Variants in CTNNA2 observed in about 807,000 individuals in gnomAD.
The protein encoded by CTNNA2 is catenin alpha 2.
Under a neutral mutation model 101.0 loss-of-function variants are expected in CTNNA2, and 42 were observed. The observed-to-expected ratio is 0.42, with a 90% confidence interval of 0.32 to 0.54. The LOEUF is 0.54. Ranked by LOEUF, CTNNA2 falls within the 20% of genes least tolerant of loss-of-function variation. The probability of loss-of-function intolerance (pLI) is 0.14; values close to 1 mark genes in which losing one functional copy is unlikely to be tolerated. For missense variants in CTNNA2, 871 were observed against 1,223.1 expected (o/e 0.71, Z 4.29); for synonymous variants, 450 against 456.4 (o/e 0.99, Z 0.18).
At chr2:80,236,336 A>G (rs1709548694) in intron 7 of CTNNA2, among the ~76,000 whole-genome samples, 2 of 152,120 alleles carry the variant, frequency 1.3e-5, no homozygotes, top group South Asian at 4.1e-4. Flanking sequence ...CATTAATGGG[A>G]TTGCTCGTTC....
intron 8 of CTNNA2, among the ~76,000 whole-genome samples, chr2:80,396,426 G>A (rs1186153860): frequency 6.6e-6 from 1 of 152,160 alleles, no homozygotes; most frequent in Non-Finnish European, 1.5e-5. Context: ...AGCAGGCCCT[G>A]TGTCTGAGCT....
Position 80,428,546 on chromosome 2 carries a change from A to C in CTNNA2, c.1290+8945A>C, listed in dbSNP as rs115693082. On this transcript the variant is annotated intron_variant, in intron 9 of 18. Transcript: ENST00000402739. ...GAGTCTGGGATGAATCCATATTTTG[A>C]TAAGCTGCAGTGACATAATCAGTTG... Among the ~76,000 whole-genome samples, 475 of 152,264 alleles carry C rather than the reference A, an allele frequency of 3.1e-3. 3 individuals are homozygous for C. The highest frequency in any genetic ancestry group is 0.011 in the African/African-American group (462 of 41,530).
At chr2:79,804,897 G>T (rs1676451336) in intron 3 of CTNNA2, among the ~76,000 whole-genome samples, 1 of 152,154 alleles carries the variant, frequency 6.6e-6, no homozygotes, top group Non-Finnish European at 1.5e-5. Flanking sequence ...TAGCACAAGT[G>T]TCAGAGAAAT....
chr2:80,131,808 C>T (rs141880658), intron 7 of CTNNA2, among the ~76,000 whole-genome samples: 26 of 152,172 alleles, frequency 1.7e-4, no homozygotes, highest in African/African-American at 3.1e-4. Context: ...CAGCCGGGCA[C>T]GGTGGCTCAT....
chr2:79,697,093 T>G (rs1684698018), intron 2 of CTNNA2, among the ~76,000 whole-genome samples: 1 of 152,014 alleles, frequency 6.6e-6, no homozygotes, highest in South Asian at 2.1e-4. Context: ...GTTAGTAAAC[T>G]CATAGTCATA....
intron 4 of CTNNA2, among the ~76,000 whole-genome samples, chr2:79,466,383 G>A (rs1273921830): frequency 6.6e-6 from 1 of 152,200 alleles, no homozygotes; most frequent in African/African-American, 2.4e-5. Flanking sequence ...TAGCCTGGAA[G>A]CTCGAACTGG....
chr2:80,113,433 T>G (rs886820077), intron 7 of CTNNA2, among the ~76,000 whole-genome samples: 3 of 152,256 alleles, frequency 2.0e-5, no homozygotes, highest in Non-Finnish European at 4.4e-5. Flanking sequence ...TTTTCTTTTC[T>G]ATAAATTGCA....
chr2:80,057,897 A>T (rs755416617), intron 7 of CTNNA2, among the ~76,000 whole-genome samples: 138 of 152,236 alleles, frequency 9.1e-4, no homozygotes, highest in Non-Finnish European at 1.9e-4. Flanking sequence ...AGATACGCAG[A>T]TACCCCTCTT....
intron 7 of CTNNA2, among the ~76,000 whole-genome samples, chr2:79,915,254 T>G (rs753827541): frequency 4.6e-5 from 7 of 152,156 alleles, no homozygotes; most frequent in Admixed American, 2.0e-4. Context: ...TTGGTATGTG[T>G]CTTTCCAATG....
At chr2:79,717,961 G>T (rs2104845516) in intron 2 of CTNNA2, among the ~76,000 whole-genome samples, 1 of 152,264 alleles carries the variant, frequency 6.6e-6, no homozygotes, top group Non-Finnish European at 1.5e-5. Flanking sequence ...AGATAGTTAG[G>T]TGTATCCCTG....
Position 79,460,671 on chromosome 2 carries a change from A to G in CTNNA2, c.-134-44383A>G, listed in dbSNP as rs1438600659. Among the ~76,000 whole-genome samples, 11 of 152,210 alleles carry G rather than the reference A, an allele frequency of 7.2e-5. No individual in the cohort carries two copies. The East Asian group carries it at 1.9e-3, about 27-fold the overall frequency. On this transcript the variant is annotated intron_variant, in intron 4 of 21. Transcript: ENST00000466387. The stretch of plus-strand genomic sequence containing the variant: ...CTCCTTATGTCTGGGCTTGGCCAGC[A>G]CAACACCAGACTTTTAATGGAAAAG...
chr2:79,486,678 T>C (rs1300835063), intron 4 of CTNNA2, among the ~76,000 whole-genome samples: 1 of 152,232 alleles, frequency 6.6e-6, no homozygotes, highest in African/African-American at 2.4e-5. Flanking sequence ...TGAACTAGTT[T>C]ACAGTCCCAC....
At chr2:80,298,151 A>G (rs982284189) in intron 7 of CTNNA2, 9 of 151,978 alleles carry the variant, frequency 5.9e-5, no homozygotes, top group Non-Finnish European at 1.0e-4. Context: ...AGCACATTTA[A>G]TGGTCATATT....
At chr2:79,769,212 T>C (rs1673397928) in intron 3 of CTNNA2, among the ~76,000 whole-genome samples, 1 of 152,172 alleles carries the variant, frequency 6.6e-6, no homozygotes, top group Non-Finnish European at 1.5e-5. Context: ...TTAAAAAATG[T>C]CCAAAAATGT....
intron 7 of CTNNA2, among the ~76,000 whole-genome samples, chr2:79,971,702 T>G (rs1448055006): frequency 6.6e-6 from 1 of 152,240 alleles, no homozygotes; most frequent in African/African-American, 2.4e-5. Context: ...AAATATGTGA[T>G]ACTTAATGGT....
At chr2:79,343,242 T>C (rs1351729701) in intron 3 of CTNNA2, among the ~76,000 whole-genome samples, 1 of 152,180 alleles carries the variant, frequency 6.6e-6, no homozygotes, top group Non-Finnish European at 1.5e-5. Context: ...TCATGTAATA[T>C]TAATGAAGAA....
chr2:79,456,231 C>T (rs1212298904), intron 4 of CTNNA2, among the ~76,000 whole-genome samples: 1 of 151,226 alleles, frequency 6.6e-6, no homozygotes, highest in African/African-American at 2.4e-5. Context: ...TAAAATATGA[C>T]AAGTTAGACC....
chr2:80,581,814 G>A lies in CTNNA2; in HGVS notation c.2002G>A (p.Ala668Thr), dbSNP rs764740838. The change falls in exon 14 of 19, where the codon GCA becomes ACA. Residue 668 changes from alanine to threonine, a missense_variant. Transcript: ENST00000402739. Reference protein sequence around the residue: ...EDDQLIAGQSARAIMAQLPQE... With the variant: ...EDDQLIAGQSTRAIMAQLPQE... ...TGACCAGCTCATTGCAGGGCAGAGC[G>A]CACGGGTGAGTGGACACCTAAGACT... 2 of 1,591,980 alleles carry A rather than the reference G, an allele frequency of 1.3e-6. No individual in the cohort carries two copies. Among genetic ancestry groups the A allele is most frequent in the South Asian group, 1.1e-5 (1 of 90,636 alleles).
intron 3 of CTNNA2, among the ~76,000 whole-genome samples, chr2:79,786,996 A>AT (rs1674894474): frequency 6.6e-6 from 1 of 151,942 alleles, no homozygotes; most frequent in African/African-American, 2.4e-5. Flanking sequence ...TATTCAATCC[A>AT]TGCCTTGGCA....
Sources: allele counts gnomAD v4.1 joint callset (sites outside exome capture counted in the v4.1 genomes callset), GRCh38; gene constraint gnomAD v4.1.1; transcripts MANE v1.5; gene names NCBI Gene and HGNC (gene_info 2026-07-23, HGNC 2026-07-21).